ITCH: variants seen among roughly 807,000 people sequenced by gnomAD.
The protein encoded by ITCH is itchy E3 ubiquitin protein ligase, also known as E3 ubiquitin-protein ligase Itchy homolog.
In ITCH, 28 loss-of-function variants were observed where a neutral mutation model predicts 126.8. The observed-to-expected ratio is 0.22, with a 90% CI of 0.16 to 0.30. The LOEUF (loss-of-function observed/expected upper bound fraction) is 0.30. Ranked by LOEUF, ITCH falls within the 10% of genes least tolerant of loss-of-function variation. ITCH has a pLI of 1.00. For missense variants in ITCH, 631 were observed against 1,032.4 expected (o/e 0.61, Z 5.33); for synonymous variants, 342 against 340.0 (o/e 1.01, Z -0.06).
chr20:34,465,332 T>C (rs1308440655), intron 14 of ITCH, among the ~76,000 whole-genome samples: 1 of 152,262 alleles, frequency 6.6e-6, no homozygotes, highest in Non-Finnish European at 1.5e-5. Flanking sequence ...ACTTTGTTCT[T>C]TTTTTCAAGC....
intron 23 of ITCH, among the ~76,000 whole-genome samples, chr20:34,501,204 A>G (rs768484133): frequency 2.6e-5 from 4 of 152,204 alleles, no homozygotes; most frequent in Non-Finnish European, 4.4e-5. Flanking sequence ...GATGGATCCA[A>G]CATCCCACTT....
intron 4 of ITCH, among the ~76,000 whole-genome samples, chr20:34,410,383 A>G (rs869103515): frequency 1.3e-5 from 2 of 149,496 alleles, no homozygotes; most frequent in Admixed American, 6.7e-5. Context: ...CAAAAAAGAG[A>G]GAAAAAAAAA....
chr20:34,465,277 T>C (rs1435793480), intron 14 of ITCH, among the ~76,000 whole-genome samples: 1 of 152,192 alleles, frequency 6.6e-6, no homozygotes, highest in Non-Finnish European at 1.5e-5. Flanking sequence ...TACCACGCTA[T>C]AGCTTTGTAG....
chr20:34,466,187 C>T (rs78519341), intron 14 of ITCH: 2 of 239,964 alleles, frequency 8.3e-6, no homozygotes, highest in Admixed American at 5.5e-5. Flanking sequence ...GTGATTTTTT[C>T]CCCCCCTCAT....
chr20:34,483,828 T>C (rs562718813), intron 20 of ITCH, among the ~76,000 whole-genome samples: 1 of 152,278 alleles, frequency 6.6e-6, no homozygotes, highest in Admixed American at 6.5e-5. Context: ...TAAGACATAC[T>C]TGAGAGTGGA....
chr20:34,408,689 T>G lies in ITCH; in HGVS notation c.109T>G (p.Phe37Val). ...AKLKENKKNW[F>V]GPSPYVEVTV... ...ACTTAAGGAAAATAAGAAGAATTGGTTTGGACCAAGTCCTTACGTAGAGGT... is the reference window on the plus strand; with the variant it reads ...ACTTAAGGAAAATAAGAAGAATTGGGTTGGACCAAGTCCTTACGTAGAGGT... The change falls in exon 4 of 25, where the codon TTT becomes GTT. Residue 37 changes from phenylalanine (F) to valine (V), a missense_variant. Transcript: ENST00000374864. 6.2e-7 allele frequency: 1 copy of G among 1,613,902 alleles called. No homozygotes were observed.
rs1978376277 is a variant in ITCH, at chr20:34,508,348, G to C, written c.*554G>C. 6.1e-6 allele frequency: 1 copy of C among 162,672 alleles called. No homozygotes were observed. The highest frequency in any genetic ancestry group is 2.4e-5 in the African/African-American group (1 of 41,494). 10.1% of individuals were successfully genotyped at this position (162,672 alleles called of 1,614,324 possible). Reference sequence around the variant, plus strand: ...GAATCCATACATCATTCCTGGAAGTGAGGCAAGACTCTTGCATCTCTACAA... The same window carrying C: ...GAATCCATACATCATTCCTGGAAGTCAGGCAAGACTCTTGCATCTCTACAA... On this transcript the variant is annotated 3_prime_UTR_variant, in exon 25 of 25. Coordinates refer to ENST00000374864, the MANE Select transcript of ITCH (RefSeq NM_031483.7).
chr20:34,397,950 T>C (rs2038733172), intron 3 of ITCH, among the ~76,000 whole-genome samples: 1 of 152,180 alleles, frequency 6.6e-6, no homozygotes. Flanking sequence ...TTAATAGTTT[T>C]TTTCTTTGCA....
At position 34,440,152 on chromosome 20, in the gene ITCH, T is replaced by C. The variant is rs771045304; in HGVS notation, c.680-3T>C. 1 of 1,605,048 alleles carries C rather than the reference T, an allele frequency of 6.2e-7. No individual in the cohort carries two copies. Among genetic ancestry groups the C allele is most frequent in the East Asian group, 2.2e-5 (1 of 44,866 alleles). ...TTTCCTATTTTCCCCAAATCTTTTATAGCATCTGTCAATGGTTCACCATCT... is the reference window on the plus strand; with the variant it reads ...TTTCCTATTTTCCCCAAATCTTTTACAGCATCTGTCAATGGTTCACCATCT... On this transcript the variant is annotated splice_polypyrimidine_tract_variant and splice_region_variant and intron_variant, in intron 8 of 24. Coordinates refer to ENST00000374864, the MANE Select transcript of ITCH (RefSeq NM_031483.7).
chr20:34,497,419 G>A (rs1989960758), intron 23 of ITCH, among the ~76,000 whole-genome samples: 1 of 152,166 alleles, frequency 6.6e-6, no homozygotes, highest in African/African-American at 2.4e-5. Flanking sequence ...ATGCTGTATT[G>A]GTTACTATAG....
chr20:34,397,552 CATT>C (rs1161805128), intron 3 of ITCH, among the ~76,000 whole-genome samples: 2 of 152,130 alleles, frequency 1.3e-5, no homozygotes, highest in Non-Finnish European at 2.9e-5. Flanking sequence ...CATATCTTAG[CATT>C]ATTATTTTCC....
chr20:34,476,464 GC>G, intron 16 of ITCH: 1 of 1,216,642 alleles, frequency 8.2e-7, no homozygotes. Flanking sequence ...GGCGCCCCCA[GC>G]GGCAGCCATC....
chr20:34,431,394 C>T (rs1737142630), intron 7 of ITCH, among the ~76,000 whole-genome samples: 1 of 151,986 alleles, frequency 6.6e-6, no homozygotes, highest in Non-Finnish European at 1.5e-5. Flanking sequence ...GCTTGAGTGA[C>T]AGAGCAAGAC....
intron 7 of ITCH, among the ~76,000 whole-genome samples, chr20:34,430,068 A>G (rs1226489235): frequency 6.6e-6 from 1 of 152,224 alleles, no homozygotes; most frequent in East Asian, 1.9e-4. Context: ...TAGAAAGTAG[A>G]ATCAGTCAAT....
At chr20:34,475,632 G>T (rs1440201062) in intron 16 of ITCH, among the ~76,000 whole-genome samples, 1 of 151,958 alleles carries the variant, frequency 6.6e-6, no homozygotes, top group East Asian at 1.9e-4. Context: ...CTCGGCATCA[G>T]AGGGAGACCG....
chr20:34,481,023 G>T, intron 19 of ITCH, 43 bp from the exon 20 acceptor site: 1 of 1,595,862 alleles, frequency 6.3e-7, no homozygotes, highest in Non-Finnish European at 8.6e-7. Context: ...AATTATGATT[G>T]AATTGGTGGA....
chr20:34,490,728 T>C (rs1429810850), intron 22 of ITCH, among the ~76,000 whole-genome samples: 1 of 152,210 alleles, frequency 6.6e-6, no homozygotes, highest in Non-Finnish European at 1.5e-5. Context: ...CAAGGGCGCA[T>C]TGCTGGTGAT....
intron 6 of ITCH, among the ~76,000 whole-genome samples, chr20:34,414,458 T>C (rs969469061): frequency 1.7e-4 from 3 of 17,406 alleles, no homozygotes; most frequent in African/African-American, 5.9e-4. Context: ...CTTTAAATCC[T>C]TTTTTTTTTT....
rs373626080 is a variant in ITCH at position 34,479,726 on chromosome 20, C to T, written c.1755C>T (p.Pro585=). The change falls in exon 18 of 25, where the codon CCC becomes CCT. Residue 585 remains proline (P), a synonymous_variant. Transcript: ENST00000374864. ...GKDNYCLQIN[P]ASYINPDHLK... Reference sequence around the variant, plus strand: ...ATAACTACTGCTTGCAGATAAACCCCGCTTCTTACATCAATCCAGATCACC... The same window carrying T: ...ATAACTACTGCTTGCAGATAAACCCTGCTTCTTACATCAATCCAGATCACC... 9 of 1,613,916 alleles carry T rather than the reference C, an allele frequency of 5.6e-6. No homozygotes were observed. The highest frequency in any genetic ancestry group is 1.1e-5 in the South Asian group (1 of 91,082).
Sources: allele counts gnomAD v4.1 joint callset (sites outside exome capture counted in the v4.1 genomes callset), GRCh38; gene constraint gnomAD v4.1.1; transcripts MANE v1.5; gene names NCBI Gene and HGNC (gene_info 2026-07-23, HGNC 2026-07-21).